FLRT2: variants seen among roughly 807,000 people sequenced by gnomAD.
FLRT2 encodes fibronectin leucine rich transmembrane protein 2, also known as leucine-rich repeat transmembrane protein FLRT2.
A neutral mutation model predicts 40.0 loss-of-function variants in FLRT2; 15 were observed. That is an observed-to-expected ratio of 0.38 (90% confidence interval 0.25 to 0.58). The LOEUF (loss-of-function observed/expected upper bound fraction) is 0.58. FLRT2 is among the 20% of genes least tolerant of loss of function. The probability of loss-of-function intolerance (pLI) is 0.71; values close to 1 mark genes in which losing one functional copy is unlikely to be tolerated. For missense variants in FLRT2, 726 were observed against 840.0 expected (o/e 0.86, Z 1.68); for synonymous variants, 380 against 336.8 (o/e 1.13, Z -1.41).
intron 1 of FLRT2, among the ~76,000 whole-genome samples, chr14:85,581,963 G>A (rs968146175): frequency 2.6e-5 from 4 of 152,152 alleles, no homozygotes; most frequent in African/African-American, 9.7e-5. Flanking sequence ...TCCTGACTCT[G>A]GTTGACAGCT....
chr14:85,571,704 T>C (rs1049241513), intron 1 of FLRT2, among the ~76,000 whole-genome samples: 1 of 152,120 alleles, frequency 6.6e-6, no homozygotes. Context: ...TCCTGTGTAT[T>C]TGATATCCAA....
At chr14:85,620,237 T>C (rs1893319778) in intron 1 of FLRT2, among the ~76,000 whole-genome samples, 1 of 152,246 alleles carries the variant, frequency 6.6e-6, no homozygotes, top group Non-Finnish European at 1.5e-5. Flanking sequence ...TTGAAAAATT[T>C]TTTCTTTGAA....
intron 1 of FLRT2, among the ~76,000 whole-genome samples, chr14:85,608,369 G>A (rs1017513851): frequency 4.6e-5 from 7 of 151,860 alleles, no homozygotes; most frequent in African/African-American, 1.7e-4. Context: ...AGCTGGGATT[G>A]CAAGAGCGAG....
intron 1 of FLRT2, among the ~76,000 whole-genome samples, chr14:85,603,742 C>T (rs1892486022): frequency 6.6e-6 from 1 of 152,094 alleles, no homozygotes; most frequent in African/African-American, 2.4e-5. Context: ...GTAGTATGCA[C>T]CTGTAGTCCC....
At position 85,638,733 on chromosome 14, in the gene FLRT2, C is replaced by T. The variant is rs1289095822; in HGVS notation, c.*15236C>T. ...GAAGTAACATTAATTTGTGTTATAA[C>T]CACTGAATGTTCTAATTCCATGAAT... On this transcript the variant is annotated 3_prime_UTR_variant, in exon 2 of 2. Coordinates refer to ENST00000330753, the MANE Select transcript of FLRT2 (RefSeq NM_013231.6). The T allele has an allele frequency of 2.0e-5, 3 of 152,160 alleles. No individual in the cohort carries two copies. In the East Asian group the frequency reaches 5.8e-4, roughly 29 times the overall value. 9.4% of individuals were successfully genotyped at this position (152,160 alleles called of 1,614,324 possible). A position where few individuals can be genotyped will look rare whatever the true frequency, so the allele number is the denominator to read the frequency against.
chr14:85,654,073 AG>A lies in FLRT2; in HGVS notation c.*30578del, dbSNP rs1387669083. ...GATGAAATCAGAATGATTTCACTTAAGGCAAGGCATATTAAAATACAAATTC... is the reference window on the plus strand; with the variant it reads ...GATGAAATCAGAATGATTTCACTTAAGCAAGGCATATTAAAATACAAATTC... On this transcript the variant is annotated 3_prime_UTR_variant, in exon 2 of 2. Coordinates refer to ENST00000330753, the MANE Select transcript of FLRT2 (RefSeq NM_013231.6). 2 of 152,160 alleles carry A rather than the reference AG, an allele frequency of 1.3e-5. No homozygotes were observed. The highest frequency in any genetic ancestry group is 4.8e-5 in the African/African-American group (2 of 41,450). The allele number at this position is 152,160 out of a possible 1,614,324, so 9.4% of individuals were successfully genotyped here.
chr14:85,572,767 C>G (rs1200900999), intron 1 of FLRT2, among the ~76,000 whole-genome samples: 1 of 152,096 alleles, frequency 6.6e-6, no homozygotes, highest in Non-Finnish European at 1.5e-5. Context: ...GAAGATAGTT[C>G]AAACATGTTA....
chr14:85,542,650 A>T (rs951650573), intron 1 of FLRT2, among the ~76,000 whole-genome samples: 2 of 152,206 alleles, frequency 1.3e-5, no homozygotes, highest in Non-Finnish European at 2.9e-5. Flanking sequence ...GAAATGTAAG[A>T]GAGATTAAAA....
intron 1 of FLRT2, among the ~76,000 whole-genome samples, chr14:85,603,615 A>G (rs1472855227): frequency 2.0e-5 from 3 of 152,126 alleles, no homozygotes; most frequent in Non-Finnish European, 4.4e-5. Context: ...CACCCCTGTA[A>G]TCCCAGCATT....
chr14:85,639,076 A>C lies in FLRT2; in HGVS notation c.*15579A>C, dbSNP rs903171124. 3 of 152,214 alleles carry C rather than the reference A, an allele frequency of 2.0e-5. No individual in the cohort carries two copies. The highest frequency in any genetic ancestry group is 1.3e-4 in the Admixed American group (2 of 15,284). The allele number at this position is 152,214 out of a possible 1,614,324, so 9.4% of individuals were successfully genotyped here. ...GTCTCTTGTAGATAGATAAAAACTA[A>C]ACTGAAACCAAAAGAATTTCCAGAG... is the stretch of plus-strand genomic sequence containing the variant. On this transcript the variant is annotated 3_prime_UTR_variant, in exon 2 of 2. Transcript: ENST00000330753.
At position 85,640,417 on chromosome 14, in the gene FLRT2, A is replaced by G. The variant is rs1894124798; in HGVS notation, c.*16920A>G. On this transcript the variant is annotated 3_prime_UTR_variant, in exon 2 of 2. Transcript: ENST00000330753. ...TGACCAAGCTTTCCTTGGGAAGTAA[A>G]CTTTGGTCACCACAATATACATAGC... The G allele has an allele frequency of 6.6e-6, 1 of 152,168 alleles. No homozygotes were observed. The highest frequency in any genetic ancestry group is 2.1e-4 in the South Asian group (1 of 4,830). 9.4% of individuals were successfully genotyped at this position (152,168 alleles called of 1,614,324 possible).
rs1027718191 is a variant in FLRT2 at position 85,633,291 on chromosome 14, G to A, written c.*9794G>A. ...GTGCCATGGGATAACACACAACCAT[G>A]GCAGGCCTTTTTTCTCATGGTGTGT... On this transcript the variant is annotated 3_prime_UTR_variant, in exon 2 of 2. Coordinates refer to ENST00000330753, the MANE Select transcript of FLRT2 (RefSeq NM_013231.6). 2 of 152,104 alleles carry A rather than the reference G, an allele frequency of 1.3e-5. No homozygotes were observed. Among genetic ancestry groups the A allele is most frequent in the African/African-American group, 4.8e-5 (2 of 41,420 alleles). The allele number at this position is 152,104 out of a possible 1,614,324, so 9.4% of individuals were successfully genotyped here. A position where few individuals can be genotyped will look rare whatever the true frequency, so the allele number is the denominator to read the frequency against.
chr14:85,569,553 A>G (rs1566733091), intron 1 of FLRT2, among the ~76,000 whole-genome samples: 1 of 152,224 alleles, frequency 6.6e-6, no homozygotes, highest in African/African-American at 2.4e-5. Context: ...CAAAGGCACC[A>G]TTAGGAACCA....
At chr14:85,566,263 G>T (rs750766241) in intron 1 of FLRT2, among the ~76,000 whole-genome samples, 5 of 152,126 alleles carry the variant, frequency 3.3e-5, no homozygotes, top group Non-Finnish European at 7.4e-5. Context: ...TTGGTTGAGG[G>T]CCTGATGAGC....
intron 1 of FLRT2, among the ~76,000 whole-genome samples, chr14:85,606,103 A>C (rs1892599702): frequency 6.6e-6 from 1 of 152,152 alleles, no homozygotes; most frequent in Admixed American, 6.5e-5. Flanking sequence ...ATATTGCCCA[A>C]CCAAATATTT....
rs1055706474 is a variant in FLRT2 at position 85,642,029 on chromosome 14, C to T, written c.*18532C>T. The T allele has an allele frequency of 5.4e-5, 8 of 149,336 alleles. No homozygotes were observed. The highest frequency in any genetic ancestry group is 1.2e-4 in the Non-Finnish European group (8 of 67,674). 9.3% of individuals were successfully genotyped at this position (149,336 alleles called of 1,614,324 possible). ...ATGTATAGAAAGAAAACAACAAATT[C>T]AGAGTTTTAAATAACTGGCTCAAGG... On this transcript the variant is annotated 3_prime_UTR_variant, in exon 2 of 2. Coordinates refer to ENST00000330753, the MANE Select transcript of FLRT2 (RefSeq NM_013231.6).
Position 85,645,948 on chromosome 14 carries a change from A to G in FLRT2, c.*22451A>G, listed in dbSNP as rs1469321414. On this transcript the variant is annotated 3_prime_UTR_variant, in exon 2 of 2. Coordinates refer to ENST00000330753, the MANE Select transcript of FLRT2 (RefSeq NM_013231.6). ...ATTTAGTGGCAGGTGGTGACAGTGGATTTCTTCTCTTATGGAAAGGACAAC... is the reference window on the plus strand; with the variant it reads ...ATTTAGTGGCAGGTGGTGACAGTGGGTTTCTTCTCTTATGGAAAGGACAAC... 1 of 150,508 alleles carries G rather than the reference A, an allele frequency of 6.6e-6. No homozygotes were observed. The highest frequency in any genetic ancestry group is 1.5e-5 in the Non-Finnish European group (1 of 67,886). The allele number at this position is 150,508 out of a possible 1,614,324, so 9.3% of individuals were successfully genotyped here. A position where few individuals can be genotyped will look rare whatever the true frequency, so the allele number is the denominator to read the frequency against.
At chr14:85,557,872 C>G in intron 1 of FLRT2, among the ~76,000 whole-genome samples, 1 of 152,054 alleles carries the variant, frequency 6.6e-6, no homozygotes, top group Admixed American at 6.6e-5. Flanking sequence ...TAAAAAGACA[C>G]TTCTCAGAGC....
intron 1 of FLRT2, among the ~76,000 whole-genome samples, chr14:85,620,361 A>G (rs1191034613): frequency 2.6e-5 from 4 of 152,202 alleles, no homozygotes; most frequent in Non-Finnish European, 5.9e-5. Flanking sequence ...ATATGTATAG[A>G]AAAAAGGAAA....
Sources: gnomAD v4.1 joint callset for allele counts (sites outside exome capture counted in the v4.1 genomes callset) on GRCh38, gnomAD v4.1.1 for gene constraint, MANE v1.5 for transcripts, NCBI Gene and HGNC (gene_info 2026-07-23, HGNC 2026-07-21) for gene names.